The following FBH1 variants were observed in gnomAD, a reference collection of about 807,000 sequenced individuals.
The protein encoded by FBH1 is DNA 3'-5' helicase 1.
FBH1 carries 43 observed loss-of-function variants against 115.5 expected under a neutral mutation model. The ratio of observed to expected loss-of-function variants is 0.37; its 90% confidence interval spans 0.29 to 0.48. The LOEUF is 0.48. Ranked by LOEUF, FBH1 falls within the 20% of genes least tolerant of loss-of-function variation. The pLI is 0.99. For synonymous variants in FBH1, 524 were observed against 507.8 expected (o/e 1.03, Z -0.43); for missense variants, 1,001 against 1,337.3 (o/e 0.75, Z 3.92).
Position 5,913,339 on chromosome 10 carries a change from A to G in FBH1, c.1212-408A>G, listed in dbSNP as rs1721836294. Among the ~76,000 whole-genome samples the G allele has an allele frequency of 9.4e-6, 1 of 106,494 alleles. No individual in the cohort carries two copies. Among genetic ancestry groups the G allele is most frequent in the Non-Finnish European group, 2.1e-5 (1 of 47,656 alleles). 69.9% of individuals were successfully genotyped at this position (106,494 alleles called of 152,430 possible). ...GTAGACAGTGGAGCGACCGAGGCTC[A>G]GAAAGAGGCTGGTGTTTTATCCACA... is the stretch of plus-strand genomic sequence containing the variant. On this transcript the variant is annotated intron_variant, in intron 6 of 20. Coordinates refer to ENST00000362091, the MANE Select transcript of FBH1 (RefSeq NM_178150.3). The surrounding 1 kb of genome is among the most constrained non-coding windows in gnomAD (Gnocchi z 4.4).
intron 1 of FBH1, among the ~76,000 whole-genome samples, chr10:5,890,817 C>A (rs975437600): frequency 6.6e-5 from 10 of 152,142 alleles, no homozygotes; most frequent in African/African-American, 2.2e-4. Context: ...TGTGGGAGGC[C>A]TGGCGCTGGT....
At position 5,924,130 on chromosome 10, in the gene FBH1, C is replaced by T; in HGVS notation, c.2399-181C>T. The T allele has an allele frequency of 1.6e-6, 1 of 616,134 alleles. No individual in the cohort carries two copies. Among genetic ancestry groups the T allele is most frequent in the Non-Finnish European group, 2.9e-6 (1 of 349,908 alleles). The allele number at this position is 616,134 out of a possible 1,614,324, so 38.2% of individuals were successfully genotyped here. A position where few individuals can be genotyped will look rare whatever the true frequency, so the allele number is the denominator to read the frequency against. On this transcript the variant is annotated intron_variant, in intron 16 of 20. Coordinates refer to ENST00000362091, the MANE Select transcript of FBH1 (RefSeq NM_178150.3). The surrounding 1 kb of genome is among the most constrained non-coding windows in gnomAD (Gnocchi z 6.2). ...TCCTCAGTCGGAGACGGAGAGGCTA[C>T]TGCACTGCACTGACTTGCCCAGGGA...
chr10:5,937,045 T>G, intron 20 of FBH1, 65 bp from the exon 21 acceptor site: 1 of 1,502,880 alleles, frequency 6.7e-7, no homozygotes, highest in South Asian at 1.4e-5. Context: ...ACTCCATGCT[T>G]TTTGCTGGAA....
chr10:5,937,015 C>G (rs1474431737), intron 20 of FBH1, 95 bp from the exon 21 acceptor site: 1 of 1,375,218 alleles, frequency 7.3e-7, no homozygotes, highest in Non-Finnish European at 9.9e-7. Flanking sequence ...ATGCGTTGTC[C>G]CTGGGCAGCT....
In FBH1 at chr10:5,917,385, T is replaced by G; in HGVS notation, c.1789-35T>G. ...GCAGGGTGCTGCCTTTGCCAGGGTC[T>G]CAAACTCTGGGTTACCATATGCTTT... On this transcript the variant is annotated intron_variant, in intron 10 of 20. Transcript: ENST00000362091. This position sits in a 1 kb window ranked among gnomAD's most constrained non-coding sequence, Gnocchi z 5.6. 1 of 1,594,152 alleles carries G rather than the reference T, an allele frequency of 6.3e-7. No homozygotes were observed. The highest frequency in any genetic ancestry group is 8.6e-7 in the Non-Finnish European group (1 of 1,163,420).
rs1030184200 is a variant in FBH1 at position 5,935,402 on chromosome 10, A to G, written c.2830-1054A>G. On this transcript the variant is annotated intron_variant, in intron 19 of 20. Transcript: ENST00000362091. The surrounding 1 kb of genome is among the most constrained non-coding windows in gnomAD (Gnocchi z 5.2). ...ATTCATGTAAATTAGACATCTATAA[A>G]AGGAGACCTGTGTCCTTGGACACGT... 1 of 152,200 alleles carries G rather than the reference A, an allele frequency of 6.6e-6. No homozygotes were observed. Among genetic ancestry groups the G allele is most frequent in the African/African-American group, 2.4e-5 (1 of 41,444 alleles). The allele number at this position is 152,200 out of a possible 1,614,324, so 9.4% of individuals were successfully genotyped here.
At chr10:5,929,299 A>G (rs1258433670) in intron 19 of FBH1, 2 of 152,198 alleles carry the variant, frequency 1.3e-5, no homozygotes, top group Non-Finnish European at 2.9e-5. Flanking sequence ...TCACAGGGCA[A>G]AGGTTTCCTG....
rs1308888261 is a variant in FBH1 at position 5,915,207 on chromosome 10, G to T, written c.1397-196G>T. On this transcript the variant is annotated intron_variant, in intron 8 of 20. Transcript: ENST00000362091. The surrounding 1 kb of genome is among the most constrained non-coding windows in gnomAD (Gnocchi z 5.2). The stretch of plus-strand genomic sequence containing the variant: ...CCCTCGGCTGGAGCCTGCCCCAGCT[G>T]AGATCCCAGCCCACCTTCACCTGGC... 1.3e-5 allele frequency among the ~76,000 whole-genome samples: 2 copies of T among 152,200 alleles called. No individual in the cohort carries two copies. The highest frequency in any genetic ancestry group is 4.8e-5 in the African/African-American group (2 of 41,446).
chr10:5,909,424 A>G lies in FBH1; in HGVS notation c.1020+130A>G. 2 of 1,100,850 alleles carry G rather than the reference A, an allele frequency of 1.8e-6. No homozygotes were observed. Among genetic ancestry groups the G allele is most frequent in the Non-Finnish European group, 2.5e-6 (2 of 795,576 alleles). The allele number at this position is 1,100,850 out of a possible 1,614,324, so 68.2% of individuals were successfully genotyped here. ...CTGTATTTAATCTCTGAATGCTTTG[A>G]AGCATTCATGTTGTCATTGTCCCCA... On this transcript the variant is annotated intron_variant, in intron 5 of 20. Transcript: ENST00000362091. This position sits in a 1 kb window ranked among gnomAD's most constrained non-coding sequence, Gnocchi z 4.4.
At position 5,937,124 on chromosome 10, in the gene FBH1, A is replaced by G; in HGVS notation, c.2976A>G (p.Glu992=). The part of the protein sequence containing the change: ...KLPITYSNRK[E]NKGGYLCHSC... Reference sequence around the variant, plus strand: ...CATCACCACAGAGCAACAGGAAGGAAAACAAGGGGGGCTACCTCTGCCACT... The same window carrying G: ...CATCACCACAGAGCAACAGGAAGGAGAACAAGGGGGGCTACCTCTGCCACT... The change falls in exon 21 of 21, where the codon GAA becomes GAG. Residue 992 remains glutamate, a synonymous_variant. Coordinates refer to ENST00000362091, the MANE Select transcript of FBH1 (RefSeq NM_178150.3). The G allele has an allele frequency of 6.2e-7, 1 of 1,605,610 alleles. No individual in the cohort carries two copies.
chr10:5,890,096 T>C, upstream of FBH1: 2 of 309,582 alleles, frequency 6.5e-6, no homozygotes, highest in South Asian at 1.6e-4. Context: ...TCGATTGGCG[T>C]TAGTGGCCGT....
chr10:5,890,585 G>A (rs1340041692), intron 1 of FBH1, among the ~76,000 whole-genome samples: 1 of 151,356 alleles, frequency 6.6e-6, no homozygotes, highest in Non-Finnish European at 1.5e-5. Flanking sequence ...AACTCGGTCG[G>A]GAGCGGCCCC....
rs749893618 is a variant in FBH1 at position 5,927,409 on chromosome 10, AT to A, written c.2723-19del. The A allele has an allele frequency of 1.4e-5, 21 of 1,554,840 alleles. No individual in the cohort carries two copies. The highest frequency in any genetic ancestry group is 2.3e-5 in the East Asian group (1 of 44,250). On this transcript the variant is annotated intron_variant, in intron 18 of 20. Transcript: ENST00000362091. ...AAGCTTTTCTAAGGCTTTTTAGTTGATTTTTTTCCCCTTTACTTTGTTTAGA... is the reference window on the plus strand; with the variant it reads ...AAGCTTTTCTAAGGCTTTTTAGTTGATTTTTTCCCCTTTACTTTGTTTAGA...
Position 5,924,841 on chromosome 10 carries a change from C to T in FBH1, c.2596+333C>T. On this transcript the variant is annotated intron_variant, in intron 17 of 20. Transcript: ENST00000362091. The surrounding 1 kb of genome is among the most constrained non-coding windows in gnomAD (Gnocchi z 6.2). ...TCGACCTCCCAAAGTGCTAGAATTA[C>T]AGGCGTGAGCCACTGCGCCCAGCCT... is the stretch of plus-strand genomic sequence containing the variant. The T allele has an allele frequency of 4.5e-6, 2 of 440,108 alleles. No homozygotes were observed. The highest frequency in any genetic ancestry group is 1.7e-5 in the South Asian group (1 of 57,492). The allele number at this position is 440,108 out of a possible 1,614,324, so 27.3% of individuals were successfully genotyped here.
Position 5,910,068 on chromosome 10 carries a change from G to A in FBH1, c.1020+774G>A, listed in dbSNP as rs1211210669. Among the ~76,000 whole-genome samples the A allele has an allele frequency of 2.0e-5, 3 of 152,184 alleles. No individual in the cohort carries two copies. Among genetic ancestry groups the A allele is most frequent in the Non-Finnish European group, 4.4e-5 (3 of 68,032 alleles). On this transcript the variant is annotated intron_variant, in intron 5 of 20. Transcript: ENST00000362091. This position sits in a 1 kb window ranked among gnomAD's most constrained non-coding sequence, Gnocchi z 4.8. ...AGGCCAAGGCGGGTGGATCACCTGA[G>A]GTCAGGAGTTCGAGACCAGCCTGGC... is the stretch of plus-strand genomic sequence containing the variant.
rs1350919902 is a variant in FBH1, at chr10:5,924,767, T to A, written c.2596+259T>A. ...TTTTTGTAGAGATGGAGTCTCACCA[T>A]GTTGGCCAGGCTGGTCTCGAACTCC... is the stretch of plus-strand genomic sequence containing the variant. On this transcript the variant is annotated intron_variant, in intron 17 of 20. Transcript: ENST00000362091. The surrounding 1 kb of genome is among the most constrained non-coding windows in gnomAD (Gnocchi z 6.2). The A allele has an allele frequency of 1.9e-6, 1 of 535,632 alleles. No homozygotes were observed. Among genetic ancestry groups the A allele is most frequent in the Non-Finnish European group, 3.6e-6 (1 of 280,984 alleles). The allele number at this position is 535,632 out of a possible 1,614,324, so 33.2% of individuals were successfully genotyped here.
In FBH1 at chr10:5,910,699, C is replaced by T. The variant is rs928055340; in HGVS notation, c.1021-239C>T. On this transcript the variant is annotated intron_variant, in intron 5 of 20. Coordinates refer to ENST00000362091, the MANE Select transcript of FBH1 (RefSeq NM_178150.3). This position sits in a 1 kb window ranked among gnomAD's most constrained non-coding sequence, Gnocchi z 4.8. The stretch of plus-strand genomic sequence containing the variant: ...AAGGTTCTATGTTAGATACTTCATC[C>T]GTGTTATTTAATTAAAGAAAACTAA... Among the ~76,000 whole-genome samples the T allele has an allele frequency of 1.7e-4, 26 of 152,246 alleles. No homozygotes were observed. The highest frequency in any genetic ancestry group is 7.7e-4 in the East Asian group (4 of 5,194).
chr10:5,908,869 C>G, intron 3 of FBH1, 56 bp from the exon 4 acceptor site: 1 of 1,598,468 alleles, frequency 6.3e-7, no homozygotes, highest in Non-Finnish European at 8.5e-7. Flanking sequence ...CCTCATTAAT[C>G]TGCTTTCTAA....
chr10:5,936,484 G>A lies in FBH1; in HGVS notation c.2858G>A (p.Ser953Asn). ...TACTTCTTGCAAGCAGAGCTGACAA[G>A]CAACGTCTTAAAAACAGGCGTGGTG... Reference protein sequence around the residue: ...GEYFLQAELTSNVLKTGVVRC... With the variant: ...GEYFLQAELTNNVLKTGVVRC... The change falls in exon 20 of 21, where the codon AGC becomes AAC. Residue 953 changes from serine to asparagine, a missense_variant. Transcript: ENST00000362091. This position sits in a 1 kb window ranked among gnomAD's most constrained non-coding sequence, Gnocchi z 5.6. 1 of 1,614,040 alleles carries A rather than the reference G, an allele frequency of 6.2e-7. No homozygotes were observed.
Sources: gnomAD v4.1 joint callset for allele counts (sites outside exome capture counted in the v4.1 genomes callset) on GRCh38, gnomAD v4.1.1 for gene constraint, Gnocchi (gnomAD v3.1) non-coding constraint, MANE v1.5 for transcripts, NCBI Gene and HGNC (gene_info 2026-07-23, HGNC 2026-07-21) for gene names.